The following PRAG1 variants were observed in gnomAD, a reference collection of about 807,000 sequenced individuals.
PRAG1 encodes PEAK1 related, kinase-activating pseudokinase 1.
A neutral mutation model predicts 95.6 loss-of-function variants in PRAG1; 110 were observed. That is an observed-to-expected ratio of 1.15 (90% CI 0.99 to 1.35). The LOEUF is 1.35. PRAG1 is among the 40% of genes most tolerant of loss of function. The pLI is 0.00. For synonymous variants in PRAG1, 1,052 were observed against 819.4 expected, an observed-to-expected ratio of 1.28 and a Z score of -4.85; for missense variants, 2,554 against 1,864.7, an observed-to-expected ratio of 1.37 and a Z score of -6.81.
rs11373012 is a variant in PRAG1 at position 8,334,435 on chromosome 8, C to CAA, written c.2320+5041_2320+5042dup. On this transcript the variant is annotated intron_variant, in intron 4 of 5. Coordinates refer to ENST00000615670, the MANE Select transcript of PRAG1 (RefSeq NM_001080826.3). Reference sequence around the variant, plus strand: ...TTGGTGACCGAGTGAGACTCCATCTCAAAAAAAAAAAAGCATTTCTTTAAA... The same window carrying CAA: ...TTGGTGACCGAGTGAGACTCCATCTCAAAAAAAAAAAAAAGCATTTCTTTAAA... Among the ~76,000 whole-genome samples, 168 of 136,798 alleles carry CAA rather than the reference C, an allele frequency of 1.2e-3. 2 individuals are homozygous for CAA. The highest frequency in any genetic ancestry group is 3.1e-3 in the East Asian group (15 of 4,864). 89.7% of individuals were successfully genotyped at this position (136,798 alleles called of 152,430 possible).
At position 8,319,073 on chromosome 8, in the gene PRAG1, G is replaced by C. The variant is rs1312982245; in HGVS notation, c.3302C>G (p.Ser1101Cys). ...ITREVPHQTA[S>C]DFVRDSAASH... is the part of the protein sequence containing the mutation. ...GGCCGCCGAGTCCCGCACGAAGTCGGAGGCGGTCTGATGTGGCACCTCTCG... is the reference window on the plus strand; with the variant it reads ...GGCCGCCGAGTCCCGCACGAAGTCGCAGGCGGTCTGATGTGGCACCTCTCG... The change falls in exon 6 of 6, where the codon TCC becomes TGC. Residue 1101 changes from serine to cysteine, a missense_variant. By Grantham distance (112) the Ser-to-Cys change is moderately radical. Coordinates refer to ENST00000615670, the MANE Select transcript of PRAG1 (RefSeq NM_001080826.3). The C allele has an allele frequency of 1.2e-6, 2 of 1,611,304 alleles. No homozygotes were observed. The highest frequency in any genetic ancestry group is 1.7e-5 in the Admixed American group (1 of 59,960).
At position 8,378,725 on chromosome 8, in the gene PRAG1, G is replaced by A. The variant is rs548263964; in HGVS notation, c.331-647C>T. The stretch of plus-strand genomic sequence containing the variant: ...AAAATACAAAAACTTGGTGGGCGTG[G>A]TGGTGTGTACCTACAGTCCCAGCTA... On this transcript the variant is annotated intron_variant, in intron 2 of 5. Transcript: ENST00000615670. 2.4e-4 allele frequency among the ~76,000 whole-genome samples: 36 copies of A among 152,190 alleles called. No individual in the cohort carries two copies. In the South Asian group the frequency reaches 6.9e-3, roughly 29 times the overall value.
chr8:8,358,085 G>C (rs995694437), intron 3 of PRAG1, among the ~76,000 whole-genome samples: 7 of 152,156 alleles, frequency 4.6e-5, no homozygotes, highest in African/African-American at 1.7e-4. Flanking sequence ...CCAAAGCCCA[G>C]GTTGTTTTAT....
intron 3 of PRAG1, among the ~76,000 whole-genome samples, chr8:8,358,264 A>AG (rs1180275659): frequency 1.3e-5 from 2 of 152,222 alleles, no homozygotes; most frequent in Non-Finnish European, 2.9e-5. Context: ...GCGTGTGGGA[A>AG]GGGGCATGAT....
rs569352582 is a variant in PRAG1, at chr8:8,323,661, C to G, written c.3072+4049G>C. ...TTTGCTTGGCTTCTCCTTGCTGCCA[C>G]CATGTGAAGAAGGACGTGTTTGCTT... On this transcript the variant is annotated intron_variant, in intron 5 of 5. Transcript: ENST00000615670. Among the ~76,000 whole-genome samples, 509 of 152,154 alleles carry G rather than the reference C, an allele frequency of 3.3e-3. 4 individuals carry two copies. The highest frequency in any genetic ancestry group is 0.012 in the African/African-American group (481 of 41,524).
At position 8,376,284 on chromosome 8, in the gene PRAG1, C is replaced by G. The variant is rs375268828; in HGVS notation, c.2125G>C (p.Glu709Gln). 1.2e-6 allele frequency: 2 copies of G among 1,614,142 alleles called. No homozygotes were observed. Among genetic ancestry groups the G allele is most frequent in the African/African-American group, 2.7e-5 (2 of 75,052 alleles). ...FEFPKDRSGI[E>Q]TFSPPPPPPK... ...GGCGGAGGAGGAGGTGAGAATGTCT[C>G]AATCCCACTTCTGTCCTTGGGGAAC... Residue 709 changes from glutamate (E) to glutamine (Q), a missense_variant, in exon 3 of 6, where the codon GAG (glutamate) becomes CAG (glutamine). By Grantham distance (29) the Glu-to-Gln change is conservative. Transcript: ENST00000615670.
intron 3 of PRAG1, among the ~76,000 whole-genome samples, chr8:8,366,687 C>CT (rs145953960): frequency 0.3 from 45,159 of 150,700 alleles, 7,373 homozygotes; most frequent in East Asian, 0.63. Flanking sequence ...TTATTTTTAT[C>CT]TTTTTTTTTG....
chr8:8,384,608 CAAAAAAAAAAAA>C (rs11400182), intron 1 of PRAG1, among the ~76,000 whole-genome samples: 29 of 92,452 alleles, frequency 3.1e-4, no homozygotes, highest in Non-Finnish European at 4.3e-4. Flanking sequence ...CGCATGCAGC[CAAAAAAAAAAAA>C]AAAAAAAAAA....
intron 3 of PRAG1, among the ~76,000 whole-genome samples, chr8:8,342,412 G>A (rs1799201304): frequency 6.6e-6 from 1 of 151,884 alleles, no homozygotes; most frequent in Non-Finnish European, 1.5e-5. Flanking sequence ...TAGCCAGGAT[G>A]GTCTCGACCC....
intron 3 of PRAG1, among the ~76,000 whole-genome samples, chr8:8,350,584 C>G (rs1387483677): frequency 6.6e-6 from 1 of 152,202 alleles, no homozygotes; most frequent in Non-Finnish European, 1.5e-5. Context: ...CCCTCAGGAG[C>G]TACTGGGAAG....
At chr8:8,376,201 G>C (rs751704013) in intron 3 of PRAG1, 46 bp downstream of exon 3, 2 of 1,577,514 alleles carry the variant, frequency 1.3e-6, no homozygotes, top group East Asian at 2.2e-5. Flanking sequence ...TTCTGGAAGA[G>C]CCCTTTGCCC....
At chr8:8,380,066 G>A (rs1259595030) in intron 2 of PRAG1, among the ~76,000 whole-genome samples, 1 of 151,586 alleles carries the variant, frequency 6.6e-6, no homozygotes, top group Non-Finnish European at 1.5e-5. Flanking sequence ...ACCAGCCTGG[G>A]CAAGACAGCA....
At chr8:8,364,288 A>G (rs926341214) in intron 3 of PRAG1, among the ~76,000 whole-genome samples, 6 of 152,158 alleles carry the variant, frequency 3.9e-5, no homozygotes, top group African/African-American at 1.4e-4. Flanking sequence ...TAGCTCTTCA[A>G]ATTCTTGCCC....
Position 8,376,898 on chromosome 8 carries a change from C to A in PRAG1, c.1511G>T (p.Gly504Val), listed in dbSNP as rs777557597. Residue 504 changes from glycine to valine, a missense_variant, in exon 3 of 6, where the codon GGG becomes GTG. Gly to Val is a moderately radical substitution (Grantham distance 109). Transcript: ENST00000615670. The stretch of plus-strand genomic sequence containing the variant: ...TACCTCGGAGTTCTGGCTCACAGGC[C>A]CTCGTGGCCACTGCACCCCCACTGC... The part of the protein sequence containing the change: ...DSAVGVQWPR[G>V]PVSQNSEVGE... 6.2e-7 allele frequency: 1 copy of A among 1,613,176 alleles called. No individual in the cohort carries two copies. Among genetic ancestry groups the A allele is most frequent in the Non-Finnish European group, 8.5e-7 (1 of 1,180,026 alleles).
Position 8,376,247 on chromosome 8 carries a change from C to T in PRAG1, c.2162G>A (p.Arg721Gln), listed in dbSNP as rs375344955. Residue 721 changes from arginine (R) to glutamine (Q), a missense_variant and splice_region_variant, in exon 3 of 6, where the codon CGG (arginine) becomes CAG (glutamine). Arg to Gln is a conservative substitution (Grantham distance 43, BLOSUM62 1). Transcript: ENST00000615670. Reference protein sequence around the residue: ...FSPPPPPPKSRHLLKMNKSSS... With the variant: ...FSPPPPPPKSQHLLKMNKSSS... ...GTCCCAGGCAGACAATGGTACTCAC[C>T]GCGACTTTGGAGGCGGAGGAGGAGG... The T allele has an allele frequency of 5.6e-6, 9 of 1,611,320 alleles. No individual in the cohort carries two copies. Among genetic ancestry groups the T allele is most frequent in the East Asian group, 4.5e-5 (2 of 44,874 alleles).
intron 3 of PRAG1, among the ~76,000 whole-genome samples, chr8:8,366,858 T>G (rs1324321682): frequency 6.6e-6 from 1 of 150,898 alleles, no homozygotes; most frequent in Admixed American, 6.6e-5. Context: ...TTGTAATTTT[T>G]TTTGAGGTAG....
intron 2 of PRAG1, 127 bp downstream of exon 2, chr8:8,381,291 G>A: frequency 2.3e-6 from 2 of 876,514 alleles, no homozygotes; most frequent in Non-Finnish European, 1.7e-6. Context: ...CCATCTCAGG[G>A]CAAACTGACA....
chr8:8,362,381 CT>C (rs1282541151), intron 3 of PRAG1, among the ~76,000 whole-genome samples: 1 of 152,230 alleles, frequency 6.6e-6, no homozygotes, highest in Non-Finnish European at 1.5e-5. Context: ...TGTCACACCC[CT>C]GTGACGTTTC....
intron 3 of PRAG1, among the ~76,000 whole-genome samples, chr8:8,371,378 A>T (rs1800197961): frequency 6.6e-6 from 1 of 151,428 alleles, no homozygotes; most frequent in South Asian, 2.1e-4. Flanking sequence ...CTCCTGCCTC[A>T]GCCTCCCGAG....
Sources: allele counts gnomAD v4.1 joint callset (sites outside exome capture counted in the v4.1 genomes callset), GRCh38; gene constraint gnomAD v4.1.1; transcripts MANE v1.5; gene names NCBI Gene and HGNC (gene_info 2026-07-23, HGNC 2026-07-21).